The following NETO2 variants were observed in gnomAD, a reference collection of about 807,000 sequenced individuals.
NETO2 encodes neuropilin and tolloid like 2.
A neutral mutation model predicts 62.5 loss-of-function variants in NETO2; 28 were observed. The observed-to-expected ratio is 0.45, with a 90% confidence interval of 0.33 to 0.61. NETO2 has a LOEUF of 0.61. NETO2 is among the 20% of genes least tolerant of loss of function. NETO2 has a pLI of 0.02. For synonymous variants in NETO2, 214 were observed against 219.1 expected (o/e 0.98, Z 0.21); for missense variants, 548 against 643.2 (o/e 0.85, Z 1.60).
chr16:47,129,458 T>G (rs1369576003), intron 2 of NETO2, 94 bp from the exon 3 acceptor site: 13 of 1,242,282 alleles, frequency 1.0e-5, no homozygotes, highest in Non-Finnish European at 1.5e-5. Flanking sequence ...GCTCACTCTA[T>G]GCTACATATA....
At chr16:47,089,175 C>G (rs942320165) in intron 7 of NETO2, among the ~76,000 whole-genome samples, 4 of 152,180 alleles carry the variant, frequency 2.6e-5, no homozygotes, top group Non-Finnish European at 5.9e-5. Flanking sequence ...TAAGCTTGTT[C>G]ACCTGCGGAG....
chr16:47,137,373 C>T (rs1964378983), intron 1 of NETO2, among the ~76,000 whole-genome samples: 1 of 152,172 alleles, frequency 6.6e-6, no homozygotes, highest in Non-Finnish European at 1.5e-5. Context: ...TGGGACCACA[C>T]TGTGAGTACC....
intron 1 of NETO2, among the ~76,000 whole-genome samples, chr16:47,136,343 C>G (rs185341776): frequency 7.2e-4 from 110 of 152,134 alleles, no homozygotes; most frequent in Admixed American, 4.0e-3. Context: ...TCTCCAGCAC[C>G]TTACAGATAA....
intron 6 of NETO2, among the ~76,000 whole-genome samples, chr16:47,121,491 G>T (rs1964039278): frequency 6.6e-6 from 1 of 152,162 alleles, no homozygotes; most frequent in Non-Finnish European, 1.5e-5. Flanking sequence ...CCTAATAAAG[G>T]CAGGGTTTCT....
chr16:47,115,971 A>G (rs1963912864), intron 6 of NETO2, among the ~76,000 whole-genome samples: 1 of 151,774 alleles, frequency 6.6e-6, no homozygotes, highest in Admixed American at 6.6e-5. Context: ...TTTTATATAG[A>G]CAACGATATC....
At chr16:47,101,457 A>C (rs1467234809) in intron 7 of NETO2, among the ~76,000 whole-genome samples, 1 of 152,222 alleles carries the variant, frequency 6.6e-6, no homozygotes. Flanking sequence ...AGATAAAGAA[A>C]TAAAGTGTAT....
intron 6 of NETO2, among the ~76,000 whole-genome samples, chr16:47,114,373 T>C (rs1353063749): frequency 6.6e-6 from 1 of 150,402 alleles, no homozygotes; most frequent in African/African-American, 2.4e-5. Flanking sequence ...GGCTTTTTTT[T>C]TTTTTTCTCA....
intron 6 of NETO2, among the ~76,000 whole-genome samples, chr16:47,110,436 G>C (rs1402660944): frequency 6.6e-6 from 1 of 152,152 alleles, no homozygotes; most frequent in African/African-American, 2.4e-5. Context: ...TGTGAATTTA[G>C]ATTTTAAGCA....
rs1963053019 is a variant in NETO2, at chr16:47,081,091, AATG to A, written c.*2127_*2129del. 1 of 152,188 alleles carries A rather than the reference AATG, an allele frequency of 6.6e-6. No individual in the cohort carries two copies. 9.4% of individuals were successfully genotyped at this position (152,188 alleles called of 1,614,324 possible). On this transcript the variant is annotated 3_prime_UTR_variant, in exon 9 of 9. Transcript: ENST00000562435. ...ATAGAAATCAAATTTCAAAAACAAAAATGTAGTTACAAGTGACTATAGTTTAGC... is the reference window on the plus strand; with the variant it reads ...ATAGAAATCAAATTTCAAAAACAAAATAGTTACAAGTGACTATAGTTTAGC...
chr16:47,113,164 G>A (rs927429885), intron 6 of NETO2, among the ~76,000 whole-genome samples: 7 of 152,152 alleles, frequency 4.6e-5, no homozygotes, highest in East Asian at 3.8e-4. Flanking sequence ...GAGCACATCC[G>A]AAATAGCTCT....
chr16:47,126,009 CCT>C (rs1455652346), intron 4 of NETO2, among the ~76,000 whole-genome samples: 1 of 152,170 alleles, frequency 6.6e-6, no homozygotes, highest in Non-Finnish European at 1.5e-5. Flanking sequence ...CCCCACATAC[CCT>C]GATAACCATT....
chr16:47,106,792 T>G (rs1432537803), intron 7 of NETO2, among the ~76,000 whole-genome samples: 4 of 152,164 alleles, frequency 2.6e-5, no homozygotes, highest in East Asian at 1.9e-4. Context: ...ATTTTTTTTT[T>G]TTTTTGAGAC....
At chr16:47,100,008 T>C (rs1282867410) in intron 7 of NETO2, among the ~76,000 whole-genome samples, 1 of 152,216 alleles carries the variant, frequency 6.6e-6, no homozygotes, top group Non-Finnish European at 1.5e-5. Flanking sequence ...AGAATGTACA[T>C]TCTTCTCAGC....
rs760279403 is a variant in NETO2 at position 47,083,650 on chromosome 16, A to G, written c.1149T>C (p.Ala383=). 1 of 1,614,206 alleles carries G rather than the reference A, an allele frequency of 6.2e-7. No homozygotes were observed. The highest frequency in any genetic ancestry group is 2.2e-5 in the East Asian group (1 of 44,886). ...PRKKVMACKT[A]FNKTGFQEVF... ...CTTCTTGGAACCCGGTTTTATTAAA[A>G]GCGGTTTTGCAAGCCATGACCTTTT... The change falls in exon 9 of 9, where the codon GCT becomes GCC. Residue 383 remains alanine, a synonymous_variant. Transcript: ENST00000562435.
chr16:47,108,597 G>C (rs115418601), intron 7 of NETO2, among the ~76,000 whole-genome samples: 1 of 152,088 alleles, frequency 6.6e-6, no homozygotes, highest in African/African-American at 2.4e-5. Context: ...TACTAAACTG[G>C]CTAGCTAGTA....
In NETO2 at chr16:47,081,917, T is replaced by C. The variant is rs1963068597; in HGVS notation, c.*1304A>G. On this transcript the variant is annotated 3_prime_UTR_variant, in exon 9 of 9. Coordinates refer to ENST00000562435, the MANE Select transcript of NETO2 (RefSeq NM_018092.5). ...AGGAAAGAAAGAGCTTATGTCCACA[T>C]TTCCAAGGTCTTTACAATAAGTTAT... The C allele has an allele frequency of 6.6e-6, 1 of 152,602 alleles. No homozygotes were observed. The highest frequency in any genetic ancestry group is 2.4e-5 in the African/African-American group (1 of 41,444). 9.5% of individuals were successfully genotyped at this position (152,602 alleles called of 1,614,324 possible).
chr16:47,134,989 G>A (rs1292886860), intron 1 of NETO2, among the ~76,000 whole-genome samples: 1 of 151,982 alleles, frequency 6.6e-6, no homozygotes, highest in Non-Finnish European at 1.5e-5. Context: ...CAACTCAATC[G>A]ACCAAATGAG....
intron 2 of NETO2, among the ~76,000 whole-genome samples, chr16:47,131,196 C>G (rs1964259891): frequency 6.6e-6 from 1 of 151,972 alleles, no homozygotes; most frequent in Non-Finnish European, 1.5e-5. Flanking sequence ...GCTACAAATG[C>G]AAGGTACGAG....
chr16:47,088,743 AG>A (rs1963250860), intron 7 of NETO2, among the ~76,000 whole-genome samples: 1 of 152,184 alleles, frequency 6.6e-6, no homozygotes, highest in South Asian at 2.1e-4. Context: ...GTGCAGTCAT[AG>A]GAAGTTTGGA....
Sources: allele counts gnomAD v4.1 joint callset (sites outside exome capture counted in the v4.1 genomes callset), GRCh38; gene constraint gnomAD v4.1.1; transcripts MANE v1.5; gene names NCBI Gene and HGNC (gene_info 2026-07-23, HGNC 2026-07-21).